Variants in PTPRT observed in about 807,000 individuals in gnomAD.
The protein encoded by PTPRT is receptor-type tyrosine-protein phosphatase T.
Under a neutral mutation model 176.8 loss-of-function variants are expected in PTPRT, and 56 were observed. That is an observed-to-expected ratio of 0.32 (90% CI 0.26 to 0.40). The LOEUF (loss-of-function observed/expected upper bound fraction) is 0.40. PTPRT is among the 10% of genes least tolerant of loss of function. PTPRT has a pLI of 1.00. For synonymous variants in PTPRT, 783 were observed against 739.0 expected (o/e 1.06, Z -0.96); for missense variants, 1,540 against 1,908.2 (o/e 0.81, Z 3.60).
At chr20:42,149,029 G>A (rs1989006058) in intron 17 of PTPRT, among the ~76,000 whole-genome samples, 1 of 152,186 alleles carries the variant, frequency 6.6e-6, no homozygotes, top group Non-Finnish European at 1.5e-5. Flanking sequence ...TTCCTGAAAT[G>A]TCCCACAGGA....
chr20:42,055,672 G>A, the PTPRT span, among the ~76,000 whole-genome samples: 1 of 152,228 alleles, frequency 6.6e-6, no homozygotes, highest in African/African-American at 2.4e-5. Flanking sequence ...GATGGTGCCA[G>A]GACTTAGACA....
chr20:42,692,332 A>C (rs998980251), intron 6 of PTPRT, among the ~76,000 whole-genome samples: 2 of 152,230 alleles, frequency 1.3e-5, no homozygotes, highest in African/African-American at 4.8e-5. Context: ...TGATATATAA[A>C]ATGAATAACA....
chr20:42,474,856 C>T (rs2071262593), intron 7 of PTPRT, among the ~76,000 whole-genome samples: 5 of 152,098 alleles, frequency 3.3e-5, no homozygotes, highest in Admixed American at 3.3e-4. Flanking sequence ...GAGCCACTGC[C>T]CCTGCTCAGG....
intron 1 of PTPRT, among the ~76,000 whole-genome samples, chr20:43,042,643 C>T (rs978499004): frequency 1.3e-5 from 2 of 151,972 alleles, no homozygotes; most frequent in African/African-American, 4.8e-5. Context: ...TGGTCAAGCA[C>T]AAGAGCAGCC....
At chr20:42,647,023 T>A (rs1281904470) in intron 7 of PTPRT, among the ~76,000 whole-genome samples, 1 of 150,600 alleles carries the variant, frequency 6.6e-6, no homozygotes, top group Non-Finnish European at 1.5e-5. Context: ...GCCTCCTGAG[T>A]AGCTGGGACT....
At chr20:42,830,195 CA>C (rs1046395263) in intron 2 of PTPRT, among the ~76,000 whole-genome samples, 32 of 152,296 alleles carry the variant, frequency 2.1e-4, no homozygotes, top group Admixed American at 6.5e-4. Flanking sequence ...CAAAAATTCT[CA>C]GCAAAATACT....
At chr20:42,220,838 T>C (rs2055869448) in intron 15 of PTPRT, among the ~76,000 whole-genome samples, 1 of 152,162 alleles carries the variant, frequency 6.6e-6, no homozygotes, top group Non-Finnish European at 1.5e-5. Flanking sequence ...TAAAAAACAA[T>C]GAACGTGACC....
intron 11 of PTPRT, among the ~76,000 whole-genome samples, chr20:42,331,181 G>A (rs1034135175): frequency 2.3e-4 from 35 of 151,756 alleles, no homozygotes; most frequent in African/African-American, 5.8e-4. Context: ...TTGAAATGTC[G>A]TTTTCTAAAG....
intron 5 of PTPRT, among the ~76,000 whole-genome samples, chr20:42,763,987 GTTCT>G (rs1186968107): frequency 6.6e-6 from 1 of 152,146 alleles, no homozygotes; most frequent in Non-Finnish European, 1.5e-5. Flanking sequence ...GAATAACAAA[GTTCT>G]TTGTCTCTGA....
At chr20:42,263,778 C>T (rs968089198) in intron 13 of PTPRT, among the ~76,000 whole-genome samples, 10 of 151,766 alleles carry the variant, frequency 6.6e-5, no homozygotes, top group East Asian at 5.8e-4. Context: ...ACTGACTCAG[C>T]CTCCCAAAGT....
At chr20:42,197,622 G>A (rs1015287432) in intron 16 of PTPRT, among the ~76,000 whole-genome samples, 5 of 151,936 alleles carry the variant, frequency 3.3e-5, no homozygotes, top group South Asian at 2.1e-4. Context: ...TTGTGGTTAT[G>A]TTGAAGAGGT....
chr20:43,033,298 T>C (rs143745041), intron 1 of PTPRT, among the ~76,000 whole-genome samples: 1 of 152,282 alleles, frequency 6.6e-6, no homozygotes, highest in Non-Finnish European at 1.5e-5. Flanking sequence ...GTGGCTTTAA[T>C]ACCTCTCTCC....
At chr20:42,307,072 G>T (rs889506804) in intron 12 of PTPRT, among the ~76,000 whole-genome samples, 7 of 152,164 alleles carry the variant, frequency 4.6e-5, no homozygotes, top group African/African-American at 1.7e-4. Context: ...GAATATGAAG[G>T]GGAGGCTTAG....
intron 1 of PTPRT, among the ~76,000 whole-genome samples, chr20:43,188,077 A>G (rs1018388932): frequency 6.6e-6 from 1 of 152,134 alleles, no homozygotes; most frequent in African/African-American, 2.4e-5. Context: ...GAGTGGTATT[A>G]ATGTGTGGTT....
At chr20:42,127,709 T>C (rs1293604415) in intron 19 of PTPRT, among the ~76,000 whole-genome samples, 2 of 152,188 alleles carry the variant, frequency 1.3e-5, no homozygotes, top group African/African-American at 2.4e-5. Context: ...ATCAGTCACA[T>C]TGGGTTGTCC....
At chr20:42,812,204 C>T (rs1167688613) in intron 2 of PTPRT, among the ~76,000 whole-genome samples, 1 of 151,940 alleles carries the variant, frequency 6.6e-6, no homozygotes, top group African/African-American at 2.4e-5. Context: ...TCCTGGAATA[C>T]ATTGTCTCTT....
intron 7 of PTPRT, among the ~76,000 whole-genome samples, chr20:42,556,151 C>G (rs2072857586): frequency 6.6e-6 from 1 of 152,168 alleles, no homozygotes; most frequent in African/African-American, 2.4e-5. Flanking sequence ...CAGGGACTTG[C>G]CTAGCTCAGA....
chr20:42,949,694 G>T (rs1294059506), intron 1 of PTPRT, among the ~76,000 whole-genome samples: 1 of 152,102 alleles, frequency 6.6e-6, no homozygotes, highest in Non-Finnish European at 1.5e-5. Context: ...AACAGTTGTT[G>T]GTTTACATTA....
chr20:42,845,268 T>C (rs1007554543), intron 2 of PTPRT, among the ~76,000 whole-genome samples: 5 of 131,084 alleles, frequency 3.8e-5, no homozygotes, highest in African/African-American at 1.1e-4. Context: ...TAAAGGGCTG[T>C]CTTGTGTGGT....
Sources: allele counts gnomAD v4.1 joint callset (sites outside exome capture counted in the v4.1 genomes callset), GRCh38; gene constraint gnomAD v4.1.1; transcripts MANE v1.5; gene names NCBI Gene and HGNC (gene_info 2026-07-23, HGNC 2026-07-21).